The following DGKI variants were observed in gnomAD, a reference collection of about 807,000 sequenced individuals.
The protein encoded by DGKI is diacylglycerol kinase iota.
Under a neutral mutation model 147.5 loss-of-function variants are expected in DGKI, and 55 were observed. That is an observed-to-expected ratio of 0.37 (90% CI 0.30 to 0.47). The LOEUF is 0.47. Among genes scored for constraint, DGKI ranks in the 20% least tolerant of loss-of-function variants. DGKI has a pLI of 1.00. For missense variants in DGKI, 1,007 were observed against 1,323.8 expected, an observed-to-expected ratio of 0.76 and a Z score of 3.71; for synonymous variants, 469 against 477.1, an observed-to-expected ratio of 0.98 and a Z score of 0.22.
chr7:137,552,192 T>A (rs1305628036), intron 20 of DGKI, among the ~76,000 whole-genome samples, 177 bp downstream of exon 20: 2 of 152,118 alleles, frequency 1.3e-5, no homozygotes, highest in Non-Finnish European at 2.9e-5. Context: ...TGGAACTGTA[T>A]AATAAACAAG....
intron 27 of DGKI, among the ~76,000 whole-genome samples, chr7:137,450,686 C>A (rs1429216320): frequency 2.0e-5 from 3 of 152,108 alleles, no homozygotes; most frequent in Non-Finnish European, 4.4e-5. Flanking sequence ...TGCACCGTTG[C>A]ACTCCTGCCT....
intron 21 of DGKI, among the ~76,000 whole-genome samples, chr7:137,490,728 T>C (rs1477234130): frequency 6.6e-6 from 1 of 152,214 alleles, no homozygotes. Flanking sequence ...CTATTTTACT[T>C]AGGAGTAGTG....
intron 3 of DGKI, among the ~76,000 whole-genome samples, chr7:137,668,226 T>C (rs1283743112): frequency 6.6e-6 from 1 of 152,238 alleles, no homozygotes; most frequent in Non-Finnish European, 1.5e-5. Flanking sequence ...GGGAACTGAC[T>C]AATGACAACC....
chr7:137,446,542 A>G (rs910687456), intron 27 of DGKI, among the ~76,000 whole-genome samples: 4 of 152,184 alleles, frequency 2.6e-5, no homozygotes, highest in African/African-American at 7.2e-5. Context: ...CCTGGCCAAC[A>G]TGGTGAAACC....
chr7:137,540,365 GAA>G (rs974116161), intron 20 of DGKI, among the ~76,000 whole-genome samples: 6 of 152,118 alleles, frequency 3.9e-5, no homozygotes, highest in African/African-American at 1.4e-4. Flanking sequence ...GCAAAAGAAA[GAA>G]AAGGCATAAG....
At chr7:137,687,619 C>T (rs1194795067) in intron 2 of DGKI, among the ~76,000 whole-genome samples, 3 of 152,196 alleles carry the variant, frequency 2.0e-5, no homozygotes, top group Non-Finnish European at 2.9e-5. Context: ...GAAACAAATG[C>T]TTTACACGAT....
intron 23 of DGKI, among the ~76,000 whole-genome samples, chr7:137,473,929 T>C (rs994051784): frequency 1.3e-5 from 2 of 152,244 alleles, no homozygotes; most frequent in Non-Finnish European, 2.9e-5. Context: ...ACTTTCCTGG[T>C]GACCTGACAA....
intron 20 of DGKI, among the ~76,000 whole-genome samples, chr7:137,527,745 G>C (rs1230654839): frequency 6.6e-6 from 1 of 151,284 alleles, no homozygotes; most frequent in Admixed American, 6.6e-5. Context: ...AGACAGAAAA[G>C]CATAACTCTG....
At chr7:137,489,467 C>T (rs969776727) in intron 21 of DGKI, among the ~76,000 whole-genome samples, 1 of 152,064 alleles carries the variant, frequency 6.6e-6, no homozygotes, top group Non-Finnish European at 1.5e-5. Context: ...AAGTTTTCAG[C>T]ATGGCAATCA....
chr7:137,521,843 T>C (rs766980943), intron 21 of DGKI, 23 bp downstream of exon 21: 10 of 1,544,662 alleles, frequency 6.5e-6, no homozygotes, highest in Non-Finnish European at 8.9e-6. Context: ...TCGCATGAAA[T>C]CAATGAGGCA....
chr7:137,418,916 C>A (rs1479092131), intron 28 of DGKI, among the ~76,000 whole-genome samples: 3 of 152,188 alleles, frequency 2.0e-5, no homozygotes, highest in African/African-American at 7.2e-5. Context: ...TAAACTATTT[C>A]TTGAGGAGTA....
At chr7:137,563,382 A>G (rs1818481602) in intron 19 of DGKI, among the ~76,000 whole-genome samples, 1 of 152,016 alleles carries the variant, frequency 6.6e-6, no homozygotes. Flanking sequence ...TTTATTCAAC[A>G]TCTTAGTGAA....
At chr7:137,521,559 T>C (rs934600225) in intron 21 of DGKI, among the ~76,000 whole-genome samples, 1 of 152,074 alleles carries the variant, frequency 6.6e-6, no homozygotes, top group Admixed American at 6.6e-5. Context: ...TGCTATACCA[T>C]TGGTATCACG....
At chr7:137,535,673 A>G (rs1209139095) in intron 20 of DGKI, among the ~76,000 whole-genome samples, 1 of 152,160 alleles carries the variant, frequency 6.6e-6, no homozygotes, top group Non-Finnish European at 1.5e-5. Flanking sequence ...TGGTAAGACT[A>G]TTTCTACACC....
At chr7:137,578,916 T>G (rs1315842400) in intron 15 of DGKI, among the ~76,000 whole-genome samples, 1 of 152,200 alleles carries the variant, frequency 6.6e-6, no homozygotes, top group African/African-American at 2.4e-5. Flanking sequence ...GCCAGTTTAA[T>G]TATTCCTTCT....
At chr7:137,415,468 T>A (rs1265951117) in intron 28 of DGKI, among the ~76,000 whole-genome samples, 2 of 152,192 alleles carry the variant, frequency 1.3e-5, no homozygotes, top group African/African-American at 4.8e-5. Context: ...GATTTTGGTA[T>A]CTGCAAGGGG....
chr7:137,829,765 C>T (rs1045274275), intron 1 of DGKI, among the ~76,000 whole-genome samples: 4 of 152,236 alleles, frequency 2.6e-5, no homozygotes, highest in African/African-American at 7.2e-5. Context: ...CCAAAGTCCA[C>T]ATGGATTTCT....
intron 20 of DGKI, among the ~76,000 whole-genome samples, chr7:137,538,055 T>C (rs1049763717): frequency 1.3e-5 from 2 of 152,212 alleles, no homozygotes; most frequent in Admixed American, 6.5e-5. Context: ...AACAAAAGTT[T>C]TGATGTGACT....
chr7:137,701,309 T>G (rs1823975757), intron 1 of DGKI, among the ~76,000 whole-genome samples: 1 of 152,206 alleles, frequency 6.6e-6, no homozygotes, highest in Non-Finnish European at 1.5e-5. Context: ...CTCACCACTT[T>G]TATTCAACAT....
Sources: allele counts gnomAD v4.1 joint callset (sites outside exome capture counted in the v4.1 genomes callset), GRCh38; gene constraint gnomAD v4.1.1; transcripts MANE v1.5; gene names NCBI Gene and HGNC (gene_info 2026-07-23, HGNC 2026-07-21).